The following SDC2 variants were observed in gnomAD, a reference collection of about 807,000 sequenced individuals.
SDC2 encodes syndecan-2.
Under a neutral mutation model 22.2 loss-of-function variants are expected in SDC2, and 13 were observed. That is an observed-to-expected ratio of 0.59 (90% confidence interval 0.38 to 0.93). The LOEUF (loss-of-function observed/expected upper bound fraction) is 0.93. Among genes scored for constraint, SDC2 ranks in the 40% least tolerant of loss-of-function variants. The pLI, the probability that SDC2 is intolerant of heterozygous loss-of-function variation, is 0.00. For synonymous variants in SDC2, 94 were observed against 92.8 expected, an observed-to-expected ratio of 1.01 and a Z score of -0.07; for missense variants, 235 against 246.8, an observed-to-expected ratio of 0.95 and a Z score of 0.32.
At chr8:96,576,507 C>A (rs1400813442) in intron 1 of SDC2, among the ~76,000 whole-genome samples, 1 of 94,358 alleles carries the variant, frequency 1.1e-5, no homozygotes, top group African/African-American at 3.6e-5. Flanking sequence ...GCAAGCTCCG[C>A]CTCCCGGATT....
chr8:96,570,925 G>T (rs1394010402), intron 1 of SDC2, among the ~76,000 whole-genome samples: 5 of 152,128 alleles, frequency 3.3e-5, no homozygotes, highest in Admixed American at 1.3e-4. Flanking sequence ...AGAATAGGGA[G>T]TTACTGTTTA....
intron 3 of SDC2, among the ~76,000 whole-genome samples, chr8:96,605,320 C>A (rs1434265880): frequency 6.6e-6 from 1 of 152,212 alleles, no homozygotes; most frequent in Admixed American, 6.5e-5. Context: ...TTTGAGATTT[C>A]TCTTCCCTTT....
chr8:96,529,847 C>A (rs1210404067), intron 1 of SDC2, among the ~76,000 whole-genome samples: 3 of 152,054 alleles, frequency 2.0e-5, no homozygotes, highest in African/African-American at 7.3e-5. Flanking sequence ...AGTTCCGGTG[C>A]CCACTTAGCT....
intron 1 of SDC2, among the ~76,000 whole-genome samples, chr8:96,532,097 C>T (rs1402599402): frequency 6.6e-6 from 1 of 152,108 alleles, no homozygotes; most frequent in Non-Finnish European, 1.5e-5. Context: ...AGGCTGCCTA[C>T]CTGCTAGGAT....
chr8:96,533,380 G>A (rs1032801160), intron 1 of SDC2, among the ~76,000 whole-genome samples: 1 of 152,218 alleles, frequency 6.6e-6, no homozygotes, highest in Non-Finnish European at 1.5e-5. Flanking sequence ...TTGACAGGGT[G>A]CTGATTGGTG....
chr8:96,552,257 C>T (rs1814040081), intron 1 of SDC2, among the ~76,000 whole-genome samples: 1 of 152,184 alleles, frequency 6.6e-6, no homozygotes, highest in African/African-American at 2.4e-5. Context: ...TTACTCTGAG[C>T]TCCATCTTGG....
At chr8:96,517,020 A>G (rs1487417482) in intron 1 of SDC2, among the ~76,000 whole-genome samples, 2 of 152,188 alleles carry the variant, frequency 1.3e-5, no homozygotes, top group Admixed American at 1.3e-4. Flanking sequence ...AAACTGCCAC[A>G]CTGTTTTGCA....
intron 2 of SDC2, among the ~76,000 whole-genome samples, chr8:96,595,900 T>C (rs1814866348): frequency 1.3e-5 from 2 of 152,242 alleles, no homozygotes; most frequent in African/African-American, 4.8e-5. Flanking sequence ...GCTGGTGCCA[T>C]GGCCCTAGCC....
Position 96,593,495 on chromosome 8 carries a change from T to C in SDC2, c.76T>C (p.Ser26Pro), listed in dbSNP as rs1362422682. ...VSAESRAELT[S>P]DKDMYLDNSS... ...CCTTTCTCAGAGAGCAGAGCTGACA[T>C]CTGATAAAGACATGTACCTTGACAA... The change falls in exon 2 of 5, where the codon TCT (serine) becomes CCT (proline). Residue 26 changes from serine (S) to proline (P), a missense_variant. Coordinates refer to ENST00000302190, the MANE Select transcript of SDC2 (RefSeq NM_002998.4). 1 of 1,612,926 alleles carries C rather than the reference T, an allele frequency of 6.2e-7. No homozygotes were observed. The highest frequency in any genetic ancestry group is 1.7e-5 in the Admixed American group (1 of 60,026).
chr8:96,543,077 A>T (rs1813878019), intron 1 of SDC2, among the ~76,000 whole-genome samples: 1 of 152,166 alleles, frequency 6.6e-6, no homozygotes, highest in Admixed American at 6.5e-5. Flanking sequence ...TTTTGGATGG[A>T]AAAAATTATT....
chr8:96,593,755 AC>A (rs1181005200), intron 2 of SDC2, among the ~76,000 whole-genome samples, 164 bp downstream of exon 2: 3 of 152,200 alleles, frequency 2.0e-5, no homozygotes, highest in African/African-American at 7.2e-5. Context: ...TCTGCCACTT[AC>A]GCTGTGAGAT....
intron 1 of SDC2, among the ~76,000 whole-genome samples, chr8:96,495,208 C>T (rs1408935965): frequency 6.6e-6 from 1 of 152,194 alleles, no homozygotes; most frequent in African/African-American, 2.4e-5. Flanking sequence ...CCGCCACGCT[C>T]GCCCTCTCTG....
chr8:96,566,452 C>T (rs1410782209), intron 1 of SDC2, among the ~76,000 whole-genome samples: 1 of 152,072 alleles, frequency 6.6e-6, no homozygotes, highest in Non-Finnish European at 1.5e-5. Context: ...GCATATTGTG[C>T]AGGGGTTTTC....
chr8:96,583,149 A>T (rs1814618491), intron 1 of SDC2, among the ~76,000 whole-genome samples: 1 of 145,042 alleles, frequency 6.9e-6, no homozygotes. Flanking sequence ...ATGAGATCTT[A>T]CTATGTTGCC....
intron 1 of SDC2, among the ~76,000 whole-genome samples, chr8:96,549,905 C>T (rs1184775550): frequency 2.0e-5 from 3 of 152,172 alleles, no homozygotes; most frequent in Admixed American, 2.0e-4. Flanking sequence ...TTAGAATCTA[C>T]TTTCTAATTC....
chr8:96,608,713 A>G (rs1360872235), intron 4 of SDC2, among the ~76,000 whole-genome samples: 1 of 152,222 alleles, frequency 6.6e-6, no homozygotes, highest in Non-Finnish European at 1.5e-5. Flanking sequence ...TAAAAGAGGG[A>G]AAGTTAACAT....
chr8:96,531,566 G>A (rs1813662124), intron 1 of SDC2, among the ~76,000 whole-genome samples: 1 of 152,114 alleles, frequency 6.6e-6, no homozygotes, highest in African/African-American at 2.4e-5. Flanking sequence ...TTGTATGCTG[G>A]CAGTTGCCTC....
Position 96,608,401 on chromosome 8 carries a change from G to A in SDC2, c.373G>A (p.Glu125Lys), listed in dbSNP as rs200028820. The A allele has an allele frequency of 5.4e-5, 87 of 1,613,738 alleles. No individual in the cohort carries two copies. The highest frequency in any genetic ancestry group is 7.0e-5 in the Non-Finnish European group (82 of 1,179,784). Residue 125 changes from glutamate (E) to lysine (K), a missense_variant, in exon 4 of 5, where the codon GAA becomes AAA. Transcript: ENST00000302190. The part of the protein sequence containing the change: ...SDSERKMDPA[E>K]EDTNVYTEKH... ...CTCAGAAAGGAAAATGGACCCAGCCGAAGAGGATACAAATGTGTATACTGA... is the reference window on the plus strand; with the variant it reads ...CTCAGAAAGGAAAATGGACCCAGCCAAAGAGGATACAAATGTGTATACTGA...
chr8:96,580,114 C>T (rs1814565710), intron 1 of SDC2, among the ~76,000 whole-genome samples: 2 of 152,172 alleles, frequency 1.3e-5, no homozygotes, highest in South Asian at 2.1e-4. Context: ...ATGGGGGCTG[C>T]GCTGCAATGT....
Sources: gnomAD v4.1 joint callset for allele counts (sites outside exome capture counted in the v4.1 genomes callset) on GRCh38, gnomAD v4.1.1 for gene constraint, MANE v1.5 for transcripts, NCBI Gene and HGNC (gene_info 2026-07-23, HGNC 2026-07-21) for gene names.